Variants in TICAM1 observed in about 807,000 individuals in gnomAD.
TICAM1 encodes the protein TIR domain containing adaptor molecule 1.
For synonymous variants in TICAM1, 439 were observed against 415.4 expected, an observed-to-expected ratio of 1.06 and a Z score of -0.69; for missense variants, 895 against 938.2, an observed-to-expected ratio of 0.95 and a Z score of 0.60.
intron 1 of TICAM1, among the ~76,000 whole-genome samples, chr19:4,826,607 G>C (rs2093605824): frequency 6.6e-6 from 1 of 152,204 alleles, no homozygotes; most frequent in African/African-American, 2.4e-5. Flanking sequence ...TTACAGGCGT[G>C]AGCCACTGTT....
chr19:4,831,320 G>A (rs1177642660), intron 1 of TICAM1, among the ~76,000 whole-genome samples: 1 of 150,208 alleles, frequency 6.7e-6, no homozygotes, highest in East Asian at 2.0e-4. Flanking sequence ...AATCTGGGGT[G>A]TCCGGGAGGA....
At position 4,817,911 on chromosome 19, in the gene TICAM1, C is replaced by A; in HGVS notation, c.467G>T (p.Arg156Leu). Residue 156 changes from arginine to leucine, a missense_variant, in exon 2 of 2, where the codon CGG (arginine) becomes CTG (leucine). By Grantham distance (102) the Arg-to-Leu change is moderately radical. Coordinates refer to ENST00000248244, the MANE Select transcript of TICAM1 (RefSeq NM_182919.4). This position sits in a 1 kb window ranked among gnomAD's most constrained non-coding sequence, Gnocchi z 4.7. ...GCAGCCCAGATTGGACTGGAGCGTC[C>A]GGATGCTCCCTGGATCCCCAGCAAT... Reference protein sequence around the residue: ...WDIAGDPGSIRTLQSNLGCLP... With the variant: ...WDIAGDPGSILTLQSNLGCLP... 6.2e-7 allele frequency: 1 copy of A among 1,613,884 alleles called. No homozygotes were observed. The highest frequency in any genetic ancestry group is 8.5e-7 in the Non-Finnish European group (1 of 1,179,974).
Position 4,816,359 on chromosome 19 carries a change from G to A in TICAM1, c.2019C>T (p.Ser673=). ...GGATAATGAGGGGTTGCAGCCCTGGGCTCTGAGGGGGTGCGGGTGAGGCCG... is the reference window on the plus strand; with the variant it reads ...GGATAATGAGGGGTTGCAGCCCTGGACTCTGAGGGGGTGCGGGTGAGGCCG... ...FPTASPAPPQ[S]PGLQPLIIHH... is the part of the protein sequence containing the mutation. Residue 673 remains serine (S), a synonymous_variant, in exon 2 of 2, where the codon AGC becomes AGT. Transcript: ENST00000248244. The surrounding 1 kb of genome is among the most constrained non-coding windows in gnomAD (Gnocchi z 4.3). The A allele has an allele frequency of 6.3e-7, 1 of 1,588,508 alleles. No homozygotes were observed. Among genetic ancestry groups the A allele is most frequent in the Non-Finnish European group, 8.6e-7 (1 of 1,168,286 alleles).
At chr19:4,820,593 G>A (rs1432204696) in intron 1 of TICAM1, among the ~76,000 whole-genome samples, 3 of 149,740 alleles carry the variant, frequency 2.0e-5, no homozygotes, top group East Asian at 2.0e-4. Context: ...GGCCGGGCGC[G>A]GTGGCTCATG....
At position 4,817,781 on chromosome 19, in the gene TICAM1, G is replaced by A. The variant is rs562147335; in HGVS notation, c.597C>T (p.Ser199=). 6.0e-5 allele frequency: 96 copies of A among 1,602,016 alleles called. No homozygotes were observed. The highest frequency in any genetic ancestry group is 7.7e-5 in the Non-Finnish European group (91 of 1,176,856). Residue 199 remains serine, a synonymous_variant, in exon 2 of 2, where the codon AGC becomes AGT. Transcript: ENST00000248244. The surrounding 1 kb of genome is among the most constrained non-coding windows in gnomAD (Gnocchi z 4.7). ...SQGCSLRSTG[S]PASLASNLEI... is the part of the protein sequence containing the mutation. The stretch of plus-strand genomic sequence containing the variant: ...CCAAGTTGCTGGCCAGGGAGGCAGG[G>A]CTGCCAGTGGATCGCAGGGAGCACC...
At position 4,817,343 on chromosome 19, in the gene TICAM1, A is replaced by AT; in HGVS notation, c.1034dup (p.Asn345LysfsTer52). On this transcript the variant is annotated frameshift_variant, in exon 2 of 2. Transcript: ENST00000248244. LOFTEE classifies it low-confidence loss of function (END_TRUNC). This position sits in a 1 kb window ranked among gnomAD's most constrained non-coding sequence, Gnocchi z 4.7. ...TGGGAGTAGGTGGGCACGGCTTGGT[A>AT]TTTGGAGAGGTGGTATCTTCTACAG... is the stretch of plus-strand genomic sequence containing the variant. 6.2e-7 allele frequency: 1 copy of AT among 1,613,204 alleles called. No homozygotes were observed. The highest frequency in any genetic ancestry group is 1.1e-5 in the South Asian group (1 of 91,052).
In TICAM1 at chr19:4,816,400, A is replaced by G. The variant is rs1168527684; in HGVS notation, c.1978T>C (p.Ser660Pro). 2 of 1,573,906 alleles carry G rather than the reference A, an allele frequency of 1.3e-6. No individual in the cohort carries two copies. Among genetic ancestry groups the G allele is most frequent in the Non-Finnish European group, 1.7e-6 (2 of 1,162,522 alleles). Reference protein sequence around the residue: ...AFPQSLPFPQSPAFPTASPAP... With the variant: ...AFPQSLPFPQPPAFPTASPAP... ...GGTGAGGCCGTAGGGAAGGCTGGGG[A>G]CTGCGGGAAGGGCAGTGACTGTGGA... The change falls in exon 2 of 2, where the codon TCC becomes CCC. Residue 660 changes from serine (S) to proline (P), a missense_variant. Transcript: ENST00000248244. The surrounding 1 kb of genome is among the most constrained non-coding windows in gnomAD (Gnocchi z 4.3).
At chr19:4,831,491 C>G (rs578057326) in intron 1 of TICAM1, 123 bp downstream of exon 1, 1 of 152,090 alleles carries the variant, frequency 6.6e-6, no homozygotes, top group Non-Finnish European at 1.5e-5. Flanking sequence ...TCCTCCGCAC[C>G]GGGGCCCTAA....
At chr19:4,828,010 A>T (rs888017238) in intron 1 of TICAM1, among the ~76,000 whole-genome samples, 2 of 152,072 alleles carry the variant, frequency 1.3e-5, no homozygotes, top group Admixed American at 6.6e-5. Flanking sequence ...GAGGGCATAG[A>T]TGATAAAGTG....
At position 4,817,525 on chromosome 19, in the gene TICAM1, T is replaced by C. The variant is rs2093588897; in HGVS notation, c.853A>G (p.Thr285Ala). 1.9e-6 allele frequency: 3 copies of C among 1,613,528 alleles called. No individual in the cohort carries two copies. Among genetic ancestry groups the C allele is most frequent in the Non-Finnish European group, 2.5e-6 (3 of 1,179,882 alleles). Residue 285 changes from threonine to alanine, a missense_variant, in exon 2 of 2, where the codon ACT (threonine) becomes GCT (alanine). Thr to Ala is a moderately conservative substitution (Grantham distance 58, BLOSUM62 0). Transcript: ENST00000248244. This position sits in a 1 kb window ranked among gnomAD's most constrained non-coding sequence, Gnocchi z 4.7. ...GCTGCGGGGGTATCAGGGAGGCCAG[T>C]GGAGGTTGCATCTGGGGCCACTTCG... ...LPEVAPDATSTGLPDTPAAPE... is the reference protein window; with the variant it reads ...LPEVAPDATSAGLPDTPAAPE...
At position 4,816,927 on chromosome 19, in the gene TICAM1, T is replaced by A. The variant is rs769204651; in HGVS notation, c.1451A>T (p.Asp484Val). Residue 484 changes from aspartate to valine, a missense_variant, in exon 2 of 2, where the codon GAC becomes GTC. Asp to Val is a radical substitution (Grantham distance 152). Transcript: ENST00000248244. This position sits in a 1 kb window ranked among gnomAD's most constrained non-coding sequence, Gnocchi z 4.3. ...CAGGGGCAGGAAGGGGATGACACAG[T>A]CTGGCGACCCCTGTCGCGTGAGGTT... ...MSNLTRQGSP[D>V]CVIPFLPLES... The A allele has an allele frequency of 1.4e-5, 23 of 1,613,880 alleles. No homozygotes were observed. Among genetic ancestry groups the A allele is most frequent in the Non-Finnish European group, 1.9e-5 (22 of 1,180,016 alleles).
At position 4,818,930 on chromosome 19, in the gene TICAM1, T is replaced by C. The variant is rs1468995146; in HGVS notation, c.-139-414A>G. Among the ~76,000 whole-genome samples the C allele has an allele frequency of 3.3e-5, 5 of 152,100 alleles. No individual in the cohort carries two copies. Among genetic ancestry groups the C allele is most frequent in the Non-Finnish European group, 5.9e-5 (4 of 68,018 alleles). ...TTCGAGACCAGCCTGGCCAACATGGTGAAACCCCGTTTCTACTAAAAATAC... is the reference window on the plus strand; with the variant it reads ...TTCGAGACCAGCCTGGCCAACATGGCGAAACCCCGTTTCTACTAAAAATAC... On this transcript the variant is annotated intron_variant, in intron 1 of 1. Coordinates refer to ENST00000248244, the MANE Select transcript of TICAM1 (RefSeq NM_182919.4). This position sits in a 1 kb window ranked among gnomAD's most constrained non-coding sequence, Gnocchi z 4.0.
At chr19:4,828,597 G>A (rs1428891534) in intron 1 of TICAM1, among the ~76,000 whole-genome samples, 3 of 151,854 alleles carry the variant, frequency 2.0e-5, no homozygotes, top group Admixed American at 2.0e-4. Flanking sequence ...GCAGTGGTGC[G>A]ATCTAGGCTC....
chr19:4,829,192 C>A (rs2093610280), intron 1 of TICAM1, among the ~76,000 whole-genome samples: 1 of 152,168 alleles, frequency 6.6e-6, no homozygotes, highest in Non-Finnish European at 1.5e-5. Context: ...CATTAGCATG[C>A]AAGACTGAAA....
At chr19:4,823,894 C>T (rs985687323) in intron 1 of TICAM1, among the ~76,000 whole-genome samples, 4 of 152,186 alleles carry the variant, frequency 2.6e-5, no homozygotes, top group Non-Finnish European at 4.4e-5. Context: ...CAGATACTTG[C>T]AGTCTAGATC....
chr19:4,816,782 C>G lies in TICAM1; in HGVS notation c.1596G>C (p.Arg532Ser). The part of the protein sequence containing the change: ...RKVANTFKPH[R>S]LQARKAMWRK... ...TCCACATGGCCTTTCGGGCCTGAAGCCTGTGGGGCTTGAAGGTGTTGGCCA... is the reference window on the plus strand; with the variant it reads ...TCCACATGGCCTTTCGGGCCTGAAGGCTGTGGGGCTTGAAGGTGTTGGCCA... The change falls in exon 2 of 2, where the codon AGG (arginine) becomes AGC (serine). Residue 532 changes from arginine to serine, a missense_variant. By Grantham distance (110) the Arg-to-Ser change is moderately radical (BLOSUM62 -1). Transcript: ENST00000248244. The surrounding 1 kb of genome is among the most constrained non-coding windows in gnomAD (Gnocchi z 4.3). 1 of 1,613,494 alleles carries G rather than the reference C, an allele frequency of 6.2e-7. No individual in the cohort carries two copies. Among genetic ancestry groups the G allele is most frequent in the Non-Finnish European group, 8.5e-7 (1 of 1,180,030 alleles).
rs761804496 is a variant in TICAM1 at position 4,817,148 on chromosome 19, C to G, written c.1230G>C (p.Leu410=). The change falls in exon 2 of 2, where the codon CTG becomes CTC. Residue 410 remains leucine, a synonymous_variant. Coordinates refer to ENST00000248244, the MANE Select transcript of TICAM1 (RefSeq NM_182919.4). The surrounding 1 kb of genome is among the most constrained non-coding windows in gnomAD (Gnocchi z 4.7). ...GGGCCTCCAGCTTCTCCCGAACCCG[C>G]AGGGCGATGTGTTCGTCTGCCCTGG... ...LHARADEHIA[L]RVREKLEALG... 3.1e-6 allele frequency: 5 copies of G among 1,614,216 alleles called. No homozygotes were observed. The South Asian group carries it at 5.5e-5, about 18-fold the overall frequency.
intron 1 of TICAM1, among the ~76,000 whole-genome samples, chr19:4,827,372 C>CAAAGAAAAAAAAAA (rs2093607112): frequency 1.8e-5 from 1 of 54,148 alleles, no homozygotes; most frequent in South Asian, 8.6e-4. Flanking sequence ...ACTCTGTCTC[C>CAAAGAAAAAAAAAA]AAAAAAAAAA....
chr19:4,830,104 T>G (rs1238022030), intron 1 of TICAM1, among the ~76,000 whole-genome samples: 2 of 151,278 alleles, frequency 1.3e-5, no homozygotes, highest in Admixed American at 6.6e-5. Flanking sequence ...TCATTTTTTT[T>G]AGAGACAGGG....
Sources: allele counts gnomAD v4.1 joint callset (sites outside exome capture counted in the v4.1 genomes callset), GRCh38; gene constraint gnomAD v4.1.1; non-coding constraint Gnocchi (gnomAD v3.1); transcripts MANE v1.5; gene names NCBI Gene and HGNC (gene_info 2026-07-23, HGNC 2026-07-21).